TNIP3: variants seen among roughly 807,000 people sequenced by gnomAD.
TNIP3 encodes TNFAIP3-interacting protein 3.
A neutral mutation model predicts 54.1 loss-of-function variants in TNIP3; 34 were observed. The ratio of observed to expected loss-of-function variants is 0.63; its 90% CI spans 0.48 to 0.84. The LOEUF is 0.84. Among genes scored for constraint, TNIP3 ranks in the 40% least tolerant of loss-of-function variants. The pLI is 0.00. For missense variants in TNIP3, 366 were observed against 387.6 expected, an observed-to-expected ratio of 0.94 and a Z score of 0.47; for synonymous variants, 134 against 136.8, an observed-to-expected ratio of 0.98 and a Z score of 0.14.
intron 2 of TNIP3, among the ~76,000 whole-genome samples, chr4:121,195,293 G>A (rs571042837): frequency 6.6e-6 from 1 of 152,280 alleles, no homozygotes; most frequent in East Asian, 1.9e-4. Context: ...ATTATAGAAG[G>A]AAGAAATGTG....
chr4:121,202,571 A>T (rs767269498), intron 2 of TNIP3, among the ~76,000 whole-genome samples: 4 of 152,120 alleles, frequency 2.6e-5, no homozygotes, highest in Non-Finnish European at 5.9e-5. Flanking sequence ...CAACAAAAAC[A>T]AGATAGATGG....
intron 6 of TNIP3, 62 bp downstream of exon 6, chr4:121,150,041 A>T (rs1373326847): frequency 9.5e-7 from 1 of 1,052,946 alleles, no homozygotes. Flanking sequence ...AAAAATGCCC[A>T]AAGAAGCATG....
intron 2 of TNIP3, among the ~76,000 whole-genome samples, chr4:121,204,400 T>C (rs1049185312): frequency 6.6e-6 from 1 of 152,190 alleles, no homozygotes; most frequent in Non-Finnish European, 1.5e-5. Context: ...ACCAAACCAA[T>C]GTTTGTCTTA....
rs971641021 is a variant in TNIP3 at position 121,181,845 on chromosome 4, G to A, written c.189+831C>T. On this transcript the variant is annotated intron_variant, in intron 3 of 12. Transcript: ENST00000507879. ...TAAAAGTAAATATTTGTTTAAGGGA[G>A]GCCACACTCCATTATCTCCACAATG... 1.6e-4 allele frequency among the ~76,000 whole-genome samples: 24 copies of A among 151,958 alleles called. No homozygotes were observed. In the East Asian group the frequency reaches 4.6e-3, roughly 29 times the overall value.
chr4:121,163,953 A>G (rs1730610868), intron 1 of TNIP3, 107 bp downstream of exon 1: 14 of 1,322,468 alleles, frequency 1.1e-5, no homozygotes, highest in Non-Finnish European at 1.4e-5. Flanking sequence ...TTAGCTAAAG[A>G]AAGCAAACTA....
chr4:121,224,887 GA>G (rs924327628), intron 1 of TNIP3, among the ~76,000 whole-genome samples: 5 of 151,558 alleles, frequency 3.3e-5, no homozygotes, highest in Admixed American at 3.3e-4. Flanking sequence ...CTCTAATATT[GA>G]AAAAAAATGA....
intron 3 of TNIP3, among the ~76,000 whole-genome samples, chr4:121,171,491 G>C (rs1359249933): frequency 2.6e-5 from 4 of 152,236 alleles, no homozygotes; most frequent in Admixed American, 6.5e-5. Flanking sequence ...AAATGTTCAT[G>C]ATAAAATGTT....
Position 121,132,539 on chromosome 4 carries a change from T to C in TNIP3, c.*92A>G, listed in dbSNP as rs1728533030. ...AATAACAGGGTAGATGATGTGCCTTTGTGGCAGAAACAAGCCTCAGTATAA... is the reference window on the plus strand; with the variant it reads ...AATAACAGGGTAGATGATGTGCCTTCGTGGCAGAAACAAGCCTCAGTATAA... On this transcript the variant is annotated 3_prime_UTR_variant, in exon 11 of 11. Coordinates refer to ENST00000057513, the MANE Select transcript of TNIP3 (RefSeq NM_024873.6). 1 of 1,233,630 alleles carries C rather than the reference T, an allele frequency of 8.1e-7. No individual in the cohort carries two copies. Among genetic ancestry groups the C allele is most frequent in the Non-Finnish European group, 1.2e-6 (1 of 843,380 alleles). The allele number at this position is 1,233,630 out of a possible 1,614,324, so 76.4% of individuals were successfully genotyped here.
At chr4:121,194,820 T>A (rs945512904) in intron 2 of TNIP3, among the ~76,000 whole-genome samples, 1 of 149,628 alleles carries the variant, frequency 6.7e-6, no homozygotes, top group Non-Finnish European at 1.5e-5. Flanking sequence ...TTTGGAAATA[T>A]GAGTGAGTGC....
upstream of TNIP3, among the ~76,000 whole-genome samples, chr4:121,168,521 CTT>C (rs35307961): frequency 1.4e-4 from 19 of 132,286 alleles, no homozygotes; most frequent in Admixed American, 1.6e-4. Flanking sequence ...CTTTTCTTTG[CTT>C]TTTTTTTTTT....
intron 3 of TNIP3, among the ~76,000 whole-genome samples, chr4:121,180,597 T>C (rs748836571): frequency 6.6e-6 from 1 of 152,178 alleles, no homozygotes; most frequent in East Asian, 1.9e-4. Context: ...CTTGGCTATG[T>C]TGTGTAAGAG....
intron 2 of TNIP3, among the ~76,000 whole-genome samples, chr4:121,205,393 A>G (rs574299791): frequency 1.2e-3 from 182 of 152,300 alleles, no homozygotes; most frequent in Non-Finnish European, 2.2e-3. Context: ...GTAGCAGATT[A>G]AACCAGAAAG....
chr4:121,149,987 A>G (rs1346629112), intron 6 of TNIP3, 116 bp downstream of exon 6: 1 of 669,680 alleles, frequency 1.5e-6, no homozygotes, highest in Non-Finnish European at 2.7e-6. Context: ...TCTACTTAAA[A>G]TAAATGCAAA....
In TNIP3 at chr4:121,216,397, C is replaced by T. The variant is rs1459499725; in HGVS notation, c.68+18G>A. On this transcript the variant is annotated intron_variant, in intron 2 of 12. Transcript: ENST00000507879. ...ATTAGTATTAGAAGCATATAATCTC[C>T]AAATAAACTGTTATTACCTTTCAGA... 17 of 1,528,350 alleles carry T rather than the reference C, an allele frequency of 1.1e-5. No homozygotes were observed. The Middle Eastern group carries it at 5.4e-4, about 49-fold the overall frequency. 94.7% of individuals were successfully genotyped at this position (1,528,350 alleles called of 1,614,324 possible).
intron 3 of TNIP3, among the ~76,000 whole-genome samples, chr4:121,170,836 G>T (rs957691841): frequency 2.0e-5 from 3 of 151,646 alleles, no homozygotes; most frequent in Non-Finnish European, 2.9e-5. Flanking sequence ...TTTTTTTAAA[G>T]AAGGAATCTT....
intron 2 of TNIP3, among the ~76,000 whole-genome samples, chr4:121,196,766 T>C (rs1338649315): frequency 6.6e-6 from 1 of 152,052 alleles, no homozygotes; most frequent in Non-Finnish European, 1.5e-5. Flanking sequence ...ATAATTGTTA[T>C]AATAATACAA....
intron 6 of TNIP3, among the ~76,000 whole-genome samples, chr4:121,149,054 TA>T (rs1422820978): frequency 2.0e-5 from 3 of 152,164 alleles, no homozygotes; most frequent in Non-Finnish European, 4.4e-5. Context: ...ACCTCTCACA[TA>T]AAAAGAGACA....
chr4:121,214,070 A>G (rs1726643751), intron 2 of TNIP3, among the ~76,000 whole-genome samples: 1 of 152,200 alleles, frequency 6.6e-6, no homozygotes. Context: ...AAGCACTTCA[A>G]TGAGAAAGGA....
At chr4:121,150,040 C>A (rs1729650630) in intron 6 of TNIP3, 63 bp downstream of exon 6, 2 of 1,036,128 alleles carry the variant, frequency 1.9e-6, no homozygotes, top group South Asian at 1.5e-5. Context: ...TAAAAATGCC[C>A]AAAGAAGCAT....
Sources: gnomAD v4.1 joint callset for allele counts (sites outside exome capture counted in the v4.1 genomes callset) on GRCh38, gnomAD v4.1.1 for gene constraint, MANE v1.5 for transcripts, NCBI Gene and HGNC (gene_info 2026-07-23, HGNC 2026-07-21) for gene names.